Variants in VPS13B observed in about 807,000 individuals in gnomAD.
VPS13B encodes the protein intermembrane lipid transfer protein VPS13B.
Under a neutral mutation model 426.4 loss-of-function variants are expected in VPS13B, and 285 were observed. The observed-to-expected ratio is 0.67, with a 90% CI of 0.61 to 0.74. The LOEUF (loss-of-function observed/expected upper bound fraction) is 0.74, where lower values mean the gene tolerates loss of function less well. VPS13B is among the 30% of genes least tolerant of loss of function. VPS13B has a pLI of 0.00. For missense variants in VPS13B, 4,537 were observed against 4,782.6 expected (o/e 0.95, Z 1.51); for synonymous variants, 1,676 against 1,676.4 (o/e 1.00, Z 0.01).
intron 20 of VPS13B, 133 bp from the exon 21 acceptor site, chr8:99,391,424 T>C (rs1266192343): frequency 2.2e-6 from 3 of 1,391,540 alleles, no homozygotes; most frequent in African/African-American, 2.9e-5. Flanking sequence ...GAGAGATTGA[T>C]TGATTTACAA....
intron 19 of VPS13B, among the ~76,000 whole-genome samples, chr8:99,354,571 T>C (rs1812080461): frequency 6.6e-6 from 1 of 152,050 alleles, no homozygotes; most frequent in Non-Finnish European, 1.5e-5. Context: ...TGTTTAGAAT[T>C]TTCTTATATA....
At chr8:99,060,595 C>T (rs1844128484) in intron 3 of VPS13B, among the ~76,000 whole-genome samples, 2 of 144,348 alleles carry the variant, frequency 1.4e-5, no homozygotes, top group South Asian at 2.3e-4. Flanking sequence ...GGTGATAGAG[C>T]GCGACTTCAT....
At chr8:99,196,206 G>GTT (rs141659614) in intron 17 of VPS13B, among the ~76,000 whole-genome samples, 4 of 149,846 alleles carry the variant, frequency 2.7e-5, no homozygotes, top group Non-Finnish European at 5.9e-5. Context: ...ATTTATTTGT[G>GTT]TTTTTTTTTA....
intron 39 of VPS13B, among the ~76,000 whole-genome samples, chr8:99,760,290 T>C (rs1380883676): frequency 1.3e-5 from 2 of 152,216 alleles, no homozygotes; most frequent in Non-Finnish European, 2.9e-5. Flanking sequence ...GCCACTTGCC[T>C]CTTTTTATTC....
chr8:99,145,424 T>C (rs1810654649), intron 13 of VPS13B, among the ~76,000 whole-genome samples: 2 of 152,152 alleles, frequency 1.3e-5, no homozygotes, highest in African/African-American at 4.8e-5. Context: ...ATCTGGCATG[T>C]TGCTCTCTTA....
chr8:99,234,354 A>AC, intron 17 of VPS13B: 1 of 741,298 alleles, frequency 1.3e-6, no homozygotes, highest in East Asian at 2.6e-5. Flanking sequence ...AACATCGCCC[A>AC]CTGCAGGTGA....
intron 2 of VPS13B, among the ~76,000 whole-genome samples, chr8:99,016,128 A>G (rs1238642442): frequency 6.6e-6 from 1 of 152,218 alleles, no homozygotes. Flanking sequence ...TTACTTACTC[A>G]TTCTCCTGTT....
chr8:99,052,896 A>G (rs1360000908), intron 3 of VPS13B, among the ~76,000 whole-genome samples: 1 of 151,870 alleles, frequency 6.6e-6, no homozygotes, highest in Non-Finnish European at 1.5e-5. Context: ...ATCATATTTT[A>G]TTGCGTCTAT....
At chr8:99,409,314 C>G (rs571404252) in intron 21 of VPS13B, among the ~76,000 whole-genome samples, 2 of 152,052 alleles carry the variant, frequency 1.3e-5, no homozygotes, top group African/African-American at 4.8e-5. Context: ...TGGGTTTTTC[C>G]TGATGGCTGA....
intron 19 of VPS13B, among the ~76,000 whole-genome samples, chr8:99,307,148 T>A (rs1429688176): frequency 1.3e-5 from 2 of 152,154 alleles, no homozygotes; most frequent in Non-Finnish European, 2.9e-5. Flanking sequence ...TGTTTTAATC[T>A]CTTGATAGAG....
At chr8:99,107,353 C>T (rs559668107) in intron 5 of VPS13B, among the ~76,000 whole-genome samples, 6 of 152,006 alleles carry the variant, frequency 3.9e-5, no homozygotes, top group Admixed American at 6.6e-5. Flanking sequence ...TGAACAAACA[C>T]GTAAAAAAGA....
At chr8:99,872,934 C>T (rs1226918783) in intron 61 of VPS13B, among the ~76,000 whole-genome samples, 1 of 152,144 alleles carries the variant, frequency 6.6e-6, no homozygotes, top group Non-Finnish European at 1.5e-5. Flanking sequence ...AGGCTTTAAG[C>T]TAGGGTTTGG....
chr8:99,578,099 G>C (rs1825860640), intron 33 of VPS13B, among the ~76,000 whole-genome samples: 1 of 152,108 alleles, frequency 6.6e-6, no homozygotes, highest in Non-Finnish European at 1.5e-5. Flanking sequence ...TTGAATGCCT[G>C]CCTAGAATTT....
intron 23 of VPS13B, among the ~76,000 whole-genome samples, chr8:99,446,759 T>C (rs1817940203): frequency 6.6e-6 from 1 of 152,204 alleles, no homozygotes. Flanking sequence ...TACAACTGGA[T>C]ACATTTTTGT....
At chr8:99,192,817 AT>A in intron 16 of VPS13B, 58 bp from the exon 17 acceptor site, 2 of 1,585,710 alleles carry the variant, frequency 1.3e-6, no homozygotes, top group Non-Finnish European at 1.7e-6. Context: ...GTCATTTAGT[AT>A]TTTGTTGTCT....
At chr8:99,624,055 A>G (rs2133898379) in intron 33 of VPS13B, among the ~76,000 whole-genome samples, 1 of 129,662 alleles carries the variant, frequency 7.7e-6, no homozygotes, top group Middle Eastern at 5.1e-3. Context: ...AATTTAACTG[A>G]CCCAATAGCA....
chr8:99,787,813 G>T (rs1047724673), intron 43 of VPS13B, among the ~76,000 whole-genome samples: 4 of 152,068 alleles, frequency 2.6e-5, no homozygotes, highest in Non-Finnish European at 5.9e-5. Context: ...TGGTTAAACT[G>T]CTTGGAATAG....
At chr8:99,836,693 T>C (rs1815409456) in intron 54 of VPS13B, among the ~76,000 whole-genome samples, 1 of 152,226 alleles carries the variant, frequency 6.6e-6, no homozygotes. Flanking sequence ...GACAAGCTTG[T>C]GAGGTAGGCT....
In VPS13B at chr8:99,083,398, G is replaced by A. The variant is rs554014002; in HGVS notation, c.292-12914G>A. Among the ~76,000 whole-genome samples, 68 of 152,238 alleles carry A rather than the reference G, an allele frequency of 4.5e-4. 1 individual carries two copies. Among genetic ancestry groups the A allele is most frequent in the South Asian group, 1.9e-3 (9 of 4,824 alleles). ...TTCTAGATATACAATCATGTCATCT[G>A]CAAACAGGGACAATTTGACTTCCCC... On this transcript the variant is annotated intron_variant, in intron 3 of 61. Transcript: ENST00000357162.
Sources: gnomAD v4.1 joint callset for allele counts (sites outside exome capture counted in the v4.1 genomes callset) on GRCh38, gnomAD v4.1.1 for gene constraint, MANE v1.5 for transcripts, NCBI Gene and HGNC (gene_info 2026-07-23, HGNC 2026-07-21) for gene names.